HOXA3: variants seen among roughly 807,000 people sequenced by gnomAD.
The protein encoded by HOXA3 is homeobox A3.
A neutral mutation model predicts 30.3 loss-of-function variants in HOXA3; 8 were observed. That is an observed-to-expected ratio of 0.26 (90% CI 0.15 to 0.48). HOXA3 has a LOEUF of 0.48. Among genes scored for constraint, HOXA3 ranks in the 20% least tolerant of loss-of-function variants. The pLI, the probability that HOXA3 is intolerant of heterozygous loss-of-function variation, is 0.99. For missense variants in HOXA3, 653 were observed against 614.4 expected (o/e 1.06, Z -0.66); for synonymous variants, 323 against 273.1 (o/e 1.18, Z -1.80).
chr7:27,136,246 G>T (rs1583401054), intron 2 of HOXA3, among the ~76,000 whole-genome samples: 1 of 152,174 alleles, frequency 6.6e-6, no homozygotes, highest in African/African-American at 2.4e-5. Context: ...AGGATGCCCT[G>T]CTTCTGCCAC....
chr7:27,108,057 T>G lies in HOXA3; in HGVS notation c.1190A>C (p.Asp397Ala), dbSNP rs1784121751. ...GCCCAGCGGCCCGGCACCCCCATAG[T>G]CCATGGCGCCCGAGGCAGCGTGGGG... is the stretch of plus-strand genomic sequence containing the variant. ...HLPHAASGAMDYGGAGPLGSG... is the reference protein window; with the variant it reads ...HLPHAASGAMAYGGAGPLGSG... The change falls in exon 6 of 6, where the codon GAC becomes GCC. Residue 397 changes from aspartate to alanine, a missense_variant. By Grantham distance (126) the Asp-to-Ala change is moderately radical (BLOSUM62 -2). Coordinates refer to ENST00000612286, the MANE Select transcript of HOXA3 (RefSeq NM_153631.3). The surrounding 1 kb of genome is among the most constrained non-coding windows in gnomAD (Gnocchi z 5.0). 6.2e-7 allele frequency: 1 copy of G among 1,612,852 alleles called. No individual in the cohort carries two copies. The highest frequency in any genetic ancestry group is 1.7e-5 in the Admixed American group (1 of 59,940).
Position 27,145,446 on chromosome 7 carries a change from G to GGTTTTGTTTT in HOXA3, c.-493-5270_-493-5261dup, listed in dbSNP as rs142508258. 3.4e-4 allele frequency: 113 copies of GGTTTTGTTTT among 330,920 alleles called. 1 individual carries two copies. The highest frequency in any genetic ancestry group is 1.5e-3 in the African/African-American group (76 of 50,392). The allele number at this position is 330,920 out of a possible 1,614,324, so 20.5% of individuals were successfully genotyped here. On this transcript the variant is annotated intron_variant, in intron 1 of 5. Transcript: ENST00000612286. ...CACCGCTGGTATTGGCTGTGTGTGA[G>GGTTTTGTTTT]GTTTTGTTTTGTTTTGTTTTGTTTT...
At chr7:27,143,141 C>G in intron 1 of HOXA3, 2 of 1,608,488 alleles carry the variant, frequency 1.2e-6, no homozygotes, top group Non-Finnish European at 1.7e-6. Flanking sequence ...CTGCTCGCTG[C>G]TGGCAGGGGC....
In HOXA3 at chr7:27,107,878, G is replaced by A. The variant is rs1369218757; in HGVS notation, c.*37C>T. ...GCAACCAAAGAAAAAAGGTGGGTGG[G>A]GGGAGACTCTCCTGGCGCGTAGCCC... On this transcript the variant is annotated 3_prime_UTR_variant, in exon 6 of 6. Transcript: ENST00000612286. The A allele has an allele frequency of 1.5e-6, 2 of 1,350,904 alleles. No individual in the cohort carries two copies. The highest frequency in any genetic ancestry group is 1.9e-5 in the South Asian group (1 of 52,914). 83.7% of individuals were successfully genotyped at this position (1,350,904 alleles called of 1,614,324 possible). A position where few individuals can be genotyped will look rare whatever the true frequency, so the allele number is the denominator to read the frequency against.
chr7:27,108,713 G>T lies in HOXA3; in HGVS notation c.534C>A (p.Ser178Arg), dbSNP rs762981763. ...QKTSSSSSGE[S>R]CAGDKSPPGQ... ...CCGGCGGGCTCTTGTCGCCAGCGCA[G>T]CTTTCGCCTGCGAGGACAGAGAGAG... is the stretch of plus-strand genomic sequence containing the variant. The change falls in exon 6 of 6, where the codon AGC becomes AGA. Residue 178 changes from serine (S) to arginine (R), a missense_variant. By Grantham distance (110) the Ser-to-Arg change is moderately radical (BLOSUM62 -1). Coordinates refer to ENST00000612286, the MANE Select transcript of HOXA3 (RefSeq NM_153631.3). This position sits in a 1 kb window ranked among gnomAD's most constrained non-coding sequence, Gnocchi z 5.0. 8 of 1,596,590 alleles carry T rather than the reference G, an allele frequency of 5.0e-6. 1 individual carries two copies. The East Asian group carries it at 1.8e-4, about 36-fold the overall frequency.
intron 2 of HOXA3, chr7:27,130,680 A>G (rs954720731): frequency 2.7e-5 from 44 of 1,608,048 alleles, no homozygotes; most frequent in African/African-American, 5.4e-5. Flanking sequence ...CCTCGAAGGG[A>G]GGGAACTTGG....
At chr7:27,118,109 C>A (rs541366913) in intron 4 of HOXA3, among the ~76,000 whole-genome samples, 1 of 152,232 alleles carries the variant, frequency 6.6e-6, no homozygotes, top group Non-Finnish European at 1.5e-5. Context: ...CTCTCACAGC[C>A]ATAACTCACT....
chr7:27,133,322 C>T (rs1202253202), intron 2 of HOXA3, among the ~76,000 whole-genome samples: 1 of 152,150 alleles, frequency 6.6e-6, no homozygotes, highest in Admixed American at 6.5e-5. Flanking sequence ...ATACCTCTTG[C>T]CTTTACACAA....
chr7:27,129,131 T>C lies in HOXA3; in HGVS notation c.-389-2061A>G. ...TTTGGGTTTGTTTTGGTGTCTATTATGGTCCAGATGGGGAGGGGTGGATGA... is the reference window on the plus strand; with the variant it reads ...TTTGGGTTTGTTTTGGTGTCTATTACGGTCCAGATGGGGAGGGGTGGATGA... On this transcript the variant is annotated intron_variant, in intron 2 of 5. Coordinates refer to ENST00000612286, the MANE Select transcript of HOXA3 (RefSeq NM_153631.3). 6 of 822,020 alleles carry C rather than the reference T, an allele frequency of 7.3e-6. No individual in the cohort carries two copies. In the East Asian group the frequency reaches 1.2e-4, roughly 17 times the overall value. The allele number at this position is 822,020 out of a possible 1,614,324, so 50.9% of individuals were successfully genotyped here. A position where few individuals can be genotyped will look rare whatever the true frequency, so the allele number is the denominator to read the frequency against.
chr7:27,143,170 C>A, intron 1 of HOXA3: 1 of 1,610,174 alleles, frequency 6.2e-7, no homozygotes, highest in Non-Finnish European at 8.5e-7. Context: ...CGGCTCCGGA[C>A]GCCGTGCCAA....
In HOXA3 at chr7:27,108,662, G is replaced by A. The variant is rs1784171586; in HGVS notation, c.585C>T (p.Arg195=). The A allele has an allele frequency of 2.5e-6, 4 of 1,613,266 alleles. No homozygotes were observed. In the African/African-American group the frequency reaches 5.3e-5, roughly 22 times the overall value. The part of the protein sequence containing the change: ...PPGQASSKRA[R]TAYTSAQLVE... ...CCAGCTGCGCGCTCGTGTAGGCCGT[G>A]CGCGCGCGCTTGGACGAAGCCTGCC... Residue 195 remains arginine, a synonymous_variant, in exon 6 of 6, where the codon CGC becomes CGT. Coordinates refer to ENST00000612286, the MANE Select transcript of HOXA3 (RefSeq NM_153631.3). The surrounding 1 kb of genome is among the most constrained non-coding windows in gnomAD (Gnocchi z 5.0).
chr7:27,110,329 C>A lies in HOXA3; in HGVS notation c.312G>T (p.Pro104=). 1.5e-6 allele frequency: 2 copies of A among 1,374,926 alleles called. No homozygotes were observed. Among genetic ancestry groups the A allele is most frequent in the Non-Finnish European group, 1.9e-6 (2 of 1,048,764 alleles). The allele number at this position is 1,374,926 out of a possible 1,614,324, so 85.2% of individuals were successfully genotyped here. A position where few individuals can be genotyped will look rare whatever the true frequency, so the allele number is the denominator to read the frequency against. ...CAGGGGGCTGAGGTGCGGGCTGAGG[C>A]GGCTGTGGGGCAGGGGGCGCGGCCT... ...PPQAAPPAPQ[P]PQPAPQPPAP... is the part of the protein sequence containing the mutation. The change falls in exon 5 of 6, where the codon CCG becomes CCT. Residue 104 remains proline, a synonymous_variant. Transcript: ENST00000612286.
chr7:27,144,350 C>T (rs566898073), intron 1 of HOXA3, among the ~76,000 whole-genome samples: 142 of 152,372 alleles, frequency 9.3e-4, no homozygotes, highest in African/African-American at 3.2e-3. Context: ...GACAGTGTCC[C>T]TGCCGCTCTT....
intron 2 of HOXA3, among the ~76,000 whole-genome samples, chr7:27,131,201 G>A (rs1336253871): frequency 1.3e-5 from 2 of 152,222 alleles, no homozygotes; most frequent in African/African-American, 4.8e-5. Flanking sequence ...GCGACTCAGC[G>A]CTGACCTCGG....
intron 1 of HOXA3, chr7:27,147,457 C>A (rs779257098): frequency 1.2e-6 from 2 of 1,614,210 alleles, no homozygotes; most frequent in Admixed American, 1.7e-5. Context: ...GTCCCCGGGG[C>A]CCCTCTGCTT....
chr7:27,114,212 C>G (rs887818851), intron 4 of HOXA3, among the ~76,000 whole-genome samples: 2 of 152,024 alleles, frequency 1.3e-5, no homozygotes, highest in South Asian at 2.1e-4. Flanking sequence ...CCTCCCTCTC[C>G]TGCTCCCAGG....
At chr7:27,144,183 G>T (rs1782673618) in intron 1 of HOXA3, among the ~76,000 whole-genome samples, 1 of 152,154 alleles carries the variant, frequency 6.6e-6, no homozygotes, top group African/African-American at 2.4e-5. Context: ...GTCGAGGTTG[G>T]GGTCGGTACT....
chr7:27,125,454 G>A (rs1410520669), intron 3 of HOXA3, among the ~76,000 whole-genome samples: 1 of 152,268 alleles, frequency 6.6e-6, no homozygotes, highest in African/African-American at 2.4e-5. Context: ...AGTTCTGTAA[G>A]TTGCAGCCTA....
At chr7:27,110,043 G>A in intron 5 of HOXA3, 72 bp downstream of exon 5, 1 of 1,559,648 alleles carries the variant, frequency 6.4e-7, no homozygotes, top group Middle Eastern at 1.7e-4. Flanking sequence ...AGGCTGTGCT[G>A]GATGTCGTGG....
Sources: gnomAD v4.1 joint callset for allele counts (sites outside exome capture counted in the v4.1 genomes callset) on GRCh38, gnomAD v4.1.1 for gene constraint, Gnocchi (gnomAD v3.1) non-coding constraint, MANE v1.5 for transcripts, NCBI Gene and HGNC (gene_info 2026-07-23, HGNC 2026-07-21) for gene names.